The following MON2 variants were observed in gnomAD, a reference collection of about 807,000 sequenced individuals.
The protein encoded by MON2 is protein MON2 homolog.
Under a neutral mutation model 208.6 loss-of-function variants are expected in MON2, and 84 were observed. The ratio of observed to expected loss-of-function variants is 0.40; its 90% CI spans 0.34 to 0.48. The LOEUF is 0.48. Among genes scored for constraint, MON2 ranks in the 20% least tolerant of loss-of-function variants. MON2 has a pLI of 0.59. For missense variants in MON2, 1,611 were observed against 2,015.4 expected (o/e 0.80, Z 3.84); for synonymous variants, 660 against 694.0 (o/e 0.95, Z 0.77).
intron 33 of MON2, among the ~76,000 whole-genome samples, chr12:62,586,619 A>G (rs1445612400): frequency 6.6e-6 from 1 of 152,154 alleles, no homozygotes; most frequent in Non-Finnish European, 1.5e-5. Flanking sequence ...TTGAATTTCT[A>G]GAACTTAAAT....
At chr12:62,567,068 G>A (rs2074411928) in intron 29 of MON2, among the ~76,000 whole-genome samples, 1 of 152,100 alleles carries the variant, frequency 6.6e-6, no homozygotes, top group Non-Finnish European at 1.5e-5. Flanking sequence ...TATATGGACA[G>A]CCATTTAAAA....
intron 33 of MON2, 50 bp from the exon 34 acceptor site, chr12:62,588,024 C>T (rs765843149): frequency 1.6e-6 from 2 of 1,235,376 alleles, no homozygotes; most frequent in South Asian, 1.3e-5. Flanking sequence ...AACAAACATA[C>T]CTGGCAACTT....
At chr12:62,516,869 A>G (rs1053570160) in intron 8 of MON2, among the ~76,000 whole-genome samples, 3 of 152,176 alleles carry the variant, frequency 2.0e-5, no homozygotes, top group South Asian at 4.1e-4. Flanking sequence ...TACCTACTAT[A>G]TACTCATAAA....
chr12:62,529,510 C>T (rs2072515248), intron 11 of MON2, among the ~76,000 whole-genome samples: 1 of 151,928 alleles, frequency 6.6e-6, no homozygotes, highest in Non-Finnish European at 1.5e-5. Flanking sequence ...TGAGGTAGGA[C>T]ATTTTCTTAG....
rs571282643 is a variant in MON2 at position 62,551,768 on chromosome 12, AC to A, written c.2917-1112del. Among the ~76,000 whole-genome samples, 35 of 152,370 alleles carry A rather than the reference AC, an allele frequency of 2.3e-4. No homozygotes were observed. The Middle Eastern group carries it at 0.01, about 44-fold the overall frequency. ...TTAACATTACATGAAATAAACATGC[AC>A]AGAATTGTTTTCAACATATATTTTA... On this transcript the variant is annotated intron_variant, in intron 23 of 34. Coordinates refer to ENST00000393630, the MANE Select transcript of MON2 (RefSeq NM_015026.3).
Position 62,560,675 on chromosome 12 carries a change from T to A in MON2, c.3594T>A (p.Leu1198=). The A allele has an allele frequency of 6.2e-7, 1 of 1,614,036 alleles. No individual in the cohort carries two copies. Among genetic ancestry groups the A allele is most frequent in the Non-Finnish European group, 8.5e-7 (1 of 1,179,972 alleles). ...PPVVNVPVPV[L]IGPISGMSRP... ...TAGTTAATGTACCTGTGCCTGTTCTTATAGGGCCCATATCAGGCATGAGCA... is the reference window on the plus strand; with the variant it reads ...TAGTTAATGTACCTGTGCCTGTTCTAATAGGGCCCATATCAGGCATGAGCA... The change falls in exon 26 of 35, where the codon CTT becomes CTA. Residue 1198 remains leucine, a synonymous_variant. Coordinates refer to ENST00000393630, the MANE Select transcript of MON2 (RefSeq NM_015026.3).
At chr12:62,501,805 G>C (rs1450787252) in intron 7 of MON2, 107 bp downstream of exon 7, 1 of 1,247,644 alleles carries the variant, frequency 8.0e-7, no homozygotes, top group African/African-American at 1.5e-5. Context: ...TGGCAAAGAG[G>C]CCAGAGTTGG....
At chr12:62,541,991 C>T (rs551971941) in intron 19 of MON2, among the ~76,000 whole-genome samples, 65 of 152,156 alleles carry the variant, frequency 4.3e-4, no homozygotes, top group African/African-American at 1.6e-3. Flanking sequence ...AAAATAAAAA[C>T]TTTCAGAAGA....
intron 1 of MON2, among the ~76,000 whole-genome samples, chr12:62,470,245 A>T (rs2068729346): frequency 6.6e-6 from 1 of 152,170 alleles, no homozygotes; most frequent in Non-Finnish European, 1.5e-5. Flanking sequence ...GGATTTAAAG[A>T]TTTCAAATCT....
chr12:62,597,557 A>G lies in MON2; in HGVS notation c.*4808A>G, dbSNP rs1402448465. ...CCAAAAACTGGAAGTGCCATAAAAAACTAAAAATAAAAAAAAATTGTGACT... is the reference window on the plus strand; with the variant it reads ...CCAAAAACTGGAAGTGCCATAAAAAGCTAAAAATAAAAAAAAATTGTGACT... On this transcript the variant is annotated 3_prime_UTR_variant, in exon 35 of 35. Coordinates refer to ENST00000393630, the MANE Select transcript of MON2 (RefSeq NM_015026.3). 2 of 152,176 alleles carry G rather than the reference A, an allele frequency of 1.3e-5. No homozygotes were observed. Among genetic ancestry groups the G allele is most frequent in the Admixed American group, 6.5e-5 (1 of 15,272 alleles). 9.4% of individuals were successfully genotyped at this position (152,176 alleles called of 1,614,324 possible).
chr12:62,584,079 G>C (rs1184919579), intron 32 of MON2, among the ~76,000 whole-genome samples: 1 of 151,946 alleles, frequency 6.6e-6, no homozygotes, highest in Non-Finnish European at 1.5e-5. Flanking sequence ...TTTTAACATG[G>C]AAGCTCCATG....
intron 7 of MON2, 38 bp from the exon 8 acceptor site, chr12:62,508,248 G>A: frequency 2.0e-6 from 3 of 1,514,678 alleles, no homozygotes; most frequent in Non-Finnish European, 2.7e-6. Flanking sequence ...TACAAATAAA[G>A]TTAATTATTT....
chr12:62,560,459 G>A lies in MON2; in HGVS notation c.3410-32G>A, dbSNP rs1456802836. 3.9e-6 allele frequency: 6 copies of A among 1,550,774 alleles called. No homozygotes were observed. In the Middle Eastern group the frequency reaches 7.2e-4, roughly 187 times the overall value. On this transcript the variant is annotated intron_variant, in intron 25 of 34. Coordinates refer to ENST00000393630, the MANE Select transcript of MON2 (RefSeq NM_015026.3). ...GAAGAGAAAATTTGATCGCTTTTAT[G>A]ATAATAGTTTTTTTTTCTCTTCCTA...
At chr12:62,470,512 G>T (rs1026512198) in intron 1 of MON2, among the ~76,000 whole-genome samples, 3 of 151,698 alleles carry the variant, frequency 2.0e-5, no homozygotes, top group Non-Finnish European at 2.9e-5. Context: ...ACTTTTTTTA[G>T]TACAACTGTA....
chr12:62,513,681 T>C (rs2136134494), intron 8 of MON2, among the ~76,000 whole-genome samples: 1 of 149,214 alleles, frequency 6.7e-6, no homozygotes. Flanking sequence ...GTGTGGTGGC[T>C]CACGCCTGTA....
At chr12:62,471,464 G>C (rs545765172) in intron 1 of MON2, among the ~76,000 whole-genome samples, 14 of 152,320 alleles carry the variant, frequency 9.2e-5, no homozygotes, top group African/African-American at 1.4e-4. Flanking sequence ...GATAGCAGGC[G>C]TGAGCCACCA....
At chr12:62,586,653 A>T (rs2075229280) in intron 33 of MON2, among the ~76,000 whole-genome samples, 1 of 152,224 alleles carries the variant, frequency 6.6e-6, no homozygotes, top group South Asian at 2.1e-4. Context: ...ACTCAAATTT[A>T]TACACAAAAA....
chr12:62,483,189 G>C (rs573769997), intron 1 of MON2, among the ~76,000 whole-genome samples: 1 of 152,140 alleles, frequency 6.6e-6, no homozygotes, highest in East Asian at 1.9e-4. Flanking sequence ...TCAAAACCTA[G>C]TATATATTTT....
chr12:62,497,576 T>G (rs139934306), intron 4 of MON2, among the ~76,000 whole-genome samples: 2 of 152,152 alleles, frequency 1.3e-5, no homozygotes, highest in African/African-American at 4.8e-5. Context: ...GGCAGAAGTG[T>G]AAAATTGTAA....
Sources: allele counts gnomAD v4.1 joint callset (sites outside exome capture counted in the v4.1 genomes callset), GRCh38; gene constraint gnomAD v4.1.1; transcripts MANE v1.5; gene names NCBI Gene and HGNC (gene_info 2026-07-23, HGNC 2026-07-21).